Variants in TCF12 observed in about 807,000 individuals in gnomAD.
The protein encoded by TCF12 is DNA-binding protein HTF4.
A neutral mutation model predicts 86.0 loss-of-function variants in TCF12; 45 were observed. The observed-to-expected ratio is 0.52, with a 90% confidence interval of 0.41 to 0.67. TCF12 has a LOEUF of 0.67. Among genes scored for constraint, TCF12 ranks in the 30% least tolerant of loss-of-function variants. The pLI, the probability that TCF12 is intolerant of heterozygous loss-of-function variation, is 0.00. For synonymous variants in TCF12, 330 were observed against 299.6 expected (o/e 1.10, Z -1.05); for missense variants, 881 against 859.9 (o/e 1.02, Z -0.31).
At chr15:57,140,007 A>G (rs1218477487) in intron 5 of TCF12, among the ~76,000 whole-genome samples, 2 of 152,182 alleles carry the variant, frequency 1.3e-5, no homozygotes, top group Admixed American at 6.5e-5. Context: ...TTATTCCTCA[A>G]AAAATCAACA....
At chr15:56,961,126 CAAAAAA>C (rs35067646) in intron 3 of TCF12, among the ~76,000 whole-genome samples, 1 of 136,222 alleles carries the variant, frequency 7.3e-6, no homozygotes. Context: ...AACTCTGTCT[CAAAAAA>C]AAAAAAAAAA....
Position 57,275,359 on chromosome 15 carries a change from T to TGTAC in TCF12, c.1978+2099_1978+2100insACGT, listed in dbSNP as rs1555417687. 4.8e-3 allele frequency among the ~76,000 whole-genome samples: 112 copies of TGTAC among 23,546 alleles called. 1 individual carries two copies. Among genetic ancestry groups the TGTAC allele is most frequent in the African/African-American group, 0.013 (70 of 5,208 alleles). 15.4% of individuals were successfully genotyped at this position (23,546 alleles called of 152,430 possible). On this transcript the variant is annotated intron_variant, in intron 19 of 20. Coordinates refer to ENST00000333725, the MANE Select transcript of TCF12 (RefSeq NM_207037.2). ...GTGTGTGTGTGTGTGTGTGTGTGTG[T>TGTAC]GTGTACGTATGTAGAGATGGTCTCA...
rs61756220 is a variant in TCF12, at chr15:57,273,083, A to G, written c.1799A>G (p.Lys600Arg). The change falls in exon 19 of 21, where the codon AAG (lysine) becomes AGG (arginine). Residue 600 changes from lysine (K) to arginine (R), a missense_variant. Around this residue, in one of 3 missense-constraint regions of TCF12, gnomAD observed 46 missense variants for 76.7 expected, o/e 0.60. Coordinates refer to ENST00000333725, the MANE Select transcript of TCF12 (RefSeq NM_207037.2). ...CCTGAACAGAAGATAGAAAGGGAGAAGGAGAGGCGGATGGCTAACAATGCC... is the reference window on the plus strand; with the variant it reads ...CCTGAACAGAAGATAGAAAGGGAGAGGGAGAGGCGGATGGCTAACAATGCC... ...LNPEQKIERE[K>R]ERRMANNARE... The G allele has an allele frequency of 1.2e-6, 2 of 1,614,226 alleles. No individual in the cohort carries two copies. Among genetic ancestry groups the G allele is most frequent in the Non-Finnish European group, 1.7e-6 (2 of 1,180,030 alleles).
intron 6 of TCF12, among the ~76,000 whole-genome samples, chr15:57,185,034 T>C (rs2056585920): frequency 6.6e-6 from 1 of 152,228 alleles, no homozygotes; most frequent in South Asian, 2.1e-4. Context: ...CCAAATGTTG[T>C]ATCTATTGGA....
At chr15:57,216,968 A>G (rs1465583159) in intron 8 of TCF12, among the ~76,000 whole-genome samples, 2 of 152,182 alleles carry the variant, frequency 1.3e-5, no homozygotes, top group African/African-American at 2.4e-5. Flanking sequence ...TTAATATCAT[A>G]TAATTATAGA....
At chr15:57,007,501 G>C (rs1329842501) in intron 3 of TCF12, among the ~76,000 whole-genome samples, 2 of 152,174 alleles carry the variant, frequency 1.3e-5, no homozygotes, top group African/African-American at 4.8e-5. Context: ...TGTTATAAGA[G>C]AAAGAATTAT....
intron 3 of TCF12, among the ~76,000 whole-genome samples, chr15:57,031,751 C>T (rs1350336840): frequency 2.0e-5 from 3 of 152,220 alleles, no homozygotes; most frequent in Non-Finnish European, 4.4e-5. Context: ...TCCAGAAGCT[C>T]TCTAACTCTG....
chr15:56,920,117 C>T lies in TCF12; in HGVS notation c.75+129C>T, dbSNP rs978097326. 7 of 996,948 alleles carry T rather than the reference C, an allele frequency of 7.0e-6. No homozygotes were observed. In the African/African-American group the frequency reaches 9.7e-5, roughly 14 times the overall value. The allele number at this position is 996,948 out of a possible 1,614,324, so 61.8% of individuals were successfully genotyped here. On this transcript the variant is annotated intron_variant, in intron 2 of 20. Coordinates refer to ENST00000333725, the MANE Select transcript of TCF12 (RefSeq NM_207037.2). The stretch of plus-strand genomic sequence containing the variant: ...AGGCAGCGTGAACTCCATCTGCTTT[C>T]TGCTTAAGCAGTAGTTCTCAGGGCT...
intron 5 of TCF12, among the ~76,000 whole-genome samples, chr15:57,140,874 C>T (rs1316298140): frequency 2.6e-5 from 4 of 152,122 alleles, no homozygotes; most frequent in African/African-American, 9.7e-5. Flanking sequence ...TCATTACTTC[C>T]CTTTTTTTGC....
chr15:57,242,013 C>T (rs893330253), intron 12 of TCF12, among the ~76,000 whole-genome samples: 4 of 151,638 alleles, frequency 2.6e-5, no homozygotes, highest in East Asian at 1.9e-4. Flanking sequence ...AAATGAAATT[C>T]GTAAATTGTG....
intron 5 of TCF12, among the ~76,000 whole-genome samples, chr15:57,116,982 T>C (rs2050881390): frequency 6.6e-6 from 1 of 152,198 alleles, no homozygotes; most frequent in African/African-American, 2.4e-5. Flanking sequence ...TTATTTGGCA[T>C]CAGTGTCACT....
intron 5 of TCF12, among the ~76,000 whole-genome samples, chr15:57,159,403 C>T (rs1490210306): frequency 6.6e-6 from 1 of 152,040 alleles, no homozygotes; most frequent in Non-Finnish European, 1.5e-5. Flanking sequence ...AGGATTTGCC[C>T]ACAAAAGAGG....
intron 13 of TCF12, among the ~76,000 whole-genome samples, 197 bp downstream of exon 13, chr15:57,243,747 A>T (rs983739859): frequency 6.6e-6 from 1 of 152,234 alleles, no homozygotes; most frequent in Non-Finnish European, 1.5e-5. Flanking sequence ...TGAGTTATTT[A>T]TTAATATCTT....
intron 3 of TCF12, among the ~76,000 whole-genome samples, chr15:56,979,042 C>T (rs1444349244): frequency 6.6e-6 from 1 of 152,160 alleles, no homozygotes; most frequent in Admixed American, 6.5e-5. Flanking sequence ...GTTATTTAGT[C>T]TGTTAATTCT....
rs149425038 is a variant in TCF12 at position 57,027,025 on chromosome 15, C to G, written c.149-36725C>G. Among the ~76,000 whole-genome samples, 191 of 149,618 alleles carry G rather than the reference C, an allele frequency of 1.3e-3. 1 individual carries two copies. Among genetic ancestry groups the G allele is most frequent in the African/African-American group, 4.4e-3 (179 of 40,784 alleles). ...TTTATTTTGTTGTATTTTTTTTTCC[C>G]AAATGTTTTCGAACTGAGGTTGAAT... On this transcript the variant is annotated intron_variant, in intron 3 of 20. Transcript: ENST00000333725.
intron 4 of TCF12, among the ~76,000 whole-genome samples, chr15:57,077,385 T>A (rs1449154525): frequency 8.5e-5 from 11 of 129,862 alleles, no homozygotes; most frequent in African/African-American, 2.6e-4. Flanking sequence ...ATATATATTT[T>A]TTTTTTTTTG....
intron 14 of TCF12, 122 bp from the exon 15 acceptor site, chr15:57,252,299 G>A (rs1030496013): frequency 2.1e-5 from 14 of 661,562 alleles, no homozygotes; most frequent in Non-Finnish European, 3.4e-5. Flanking sequence ...AATAGATCTC[G>A]CAAGTCTTGG....
chr15:56,969,654 C>T (rs1000593895), intron 3 of TCF12, among the ~76,000 whole-genome samples: 2 of 151,470 alleles, frequency 1.3e-5, no homozygotes, highest in Admixed American at 6.6e-5. Flanking sequence ...CCTCCCACCT[C>T]GGCCTCTAGA....
At chr15:57,170,720 T>TA (rs1181329688) in intron 6 of TCF12, among the ~76,000 whole-genome samples, 1 of 2,042 alleles carries the variant, frequency 4.9e-4, no homozygotes, top group African/African-American at 1.3e-3. Context: ...ATAATATATA[T>TA]ATTATATATT....
Sources: gnomAD v4.1 joint callset for allele counts (sites outside exome capture counted in the v4.1 genomes callset) on GRCh38, gnomAD v4.1.1 for gene constraint, gnomAD v4.1.1 regional missense constraint, MANE v1.5 for transcripts, NCBI Gene and HGNC (gene_info 2026-07-23, HGNC 2026-07-21) for gene names.